The following ZNF608 variants were observed in gnomAD, a reference collection of about 807,000 sequenced individuals.
The protein encoded by ZNF608 is zinc finger protein 608.
Under a neutral mutation model 109.0 loss-of-function variants are expected in ZNF608, and 12 were observed. The ratio of observed to expected loss-of-function variants is 0.11; its 90% CI spans 0.07 to 0.18. The LOEUF (loss-of-function observed/expected upper bound fraction) is 0.18, where lower values mean the gene tolerates loss of function less well. ZNF608 is among the 10% of genes least tolerant of loss of function. ZNF608 has a pLI of 1.00. For synonymous variants in ZNF608, 732 were observed against 717.4 expected (o/e 1.02, Z -0.33); for missense variants, 1,707 against 1,879.3 (o/e 0.91, Z 1.70).
chr5:124,696,987 G>T (rs919493421), intron 3 of ZNF608, among the ~76,000 whole-genome samples: 1 of 151,950 alleles, frequency 6.6e-6, no homozygotes, highest in African/African-American at 2.4e-5. Flanking sequence ...AATGCCTGGG[G>T]TGGTGCCTGG....
chr5:124,743,780 G>GAACC (rs1749519785), intron 2 of ZNF608, among the ~76,000 whole-genome samples: 1 of 152,130 alleles, frequency 6.6e-6, no homozygotes, highest in Non-Finnish European at 1.5e-5. Flanking sequence ...GACTAGTGAG[G>GAACC]AACCGATCTA....
intron 5 of ZNF608, among the ~76,000 whole-genome samples, chr5:124,645,107 T>C (rs1323079501): frequency 3.9e-5 from 6 of 152,218 alleles, no homozygotes; most frequent in Admixed American, 3.9e-4. Context: ...AAGCTAATAA[T>C]AGTAAATTTA....
chr5:124,676,883 T>A (rs912182756), intron 3 of ZNF608, among the ~76,000 whole-genome samples: 2 of 152,104 alleles, frequency 1.3e-5, no homozygotes, highest in Non-Finnish European at 2.9e-5. Flanking sequence ...AGGTATATGA[T>A]AAAACATGGG....
At chr5:124,700,064 C>T (rs1752991478) in intron 3 of ZNF608, among the ~76,000 whole-genome samples, 1 of 152,160 alleles carries the variant, frequency 6.6e-6, no homozygotes, top group Admixed American at 6.5e-5. Flanking sequence ...TTATCTTTGA[C>T]CGATCTAACT....
At chr5:124,725,653 T>A (rs1754109910) in intron 2 of ZNF608, among the ~76,000 whole-genome samples, 1 of 152,092 alleles carries the variant, frequency 6.6e-6, no homozygotes, top group Non-Finnish European at 1.5e-5. Context: ...AACAATACCC[T>A]GCACAGTGAT....
At chr5:124,741,416 A>G (rs910012533) in intron 2 of ZNF608, among the ~76,000 whole-genome samples, 2 of 150,778 alleles carry the variant, frequency 1.3e-5, no homozygotes, top group Non-Finnish European at 3.0e-5. Flanking sequence ...AAAAAAAAAA[A>G]AAATGCACAC....
At chr5:124,662,828 C>T (rs967661820) in intron 3 of ZNF608, among the ~76,000 whole-genome samples, 2 of 152,098 alleles carry the variant, frequency 1.3e-5, no homozygotes, top group Non-Finnish European at 2.9e-5. Context: ...CACACACACA[C>T]AGACACACAC....
rs141930604 is a variant in ZNF608, at chr5:124,686,830, C to T, written c.1162+14184G>A. On this transcript the variant is annotated intron_variant, in intron 3 of 9. Coordinates refer to ENST00000513986, the MANE Select transcript of ZNF608 (RefSeq NM_020747.3). ...AAACTGTGCAAAGGTACAAGTAAGT[C>T]CTCGAAGAGCTGGCAGGATCAAAAC... 3.4e-3 allele frequency among the ~76,000 whole-genome samples: 515 copies of T among 152,286 alleles called. 3 individuals are homozygous for T. Among genetic ancestry groups the T allele is most frequent in the Middle Eastern group, 0.01 (3 of 294 alleles).
intron 3 of ZNF608, among the ~76,000 whole-genome samples, chr5:124,664,129 A>G (rs184631868): frequency 4.9e-4 from 74 of 152,356 alleles, no homozygotes; most frequent in Admixed American, 2.6e-3. Context: ...CTGTTCTTAT[A>G]TAATGAACTT....
intron 2 of ZNF608, among the ~76,000 whole-genome samples, chr5:124,730,374 T>C (rs552196379): frequency 6.6e-6 from 1 of 152,338 alleles, no homozygotes; most frequent in Non-Finnish European, 1.5e-5. Flanking sequence ...CAAGGGCAAG[T>C]GATTTCGTGT....
intron 3 of ZNF608, among the ~76,000 whole-genome samples, chr5:124,685,591 G>A (rs574714585): frequency 1.5e-4 from 22 of 150,622 alleles, no homozygotes; most frequent in East Asian, 9.9e-4. Flanking sequence ...CTGATCAGGC[G>A]TAGTCAGGGT....
At chr5:124,661,083 A>G (rs551936295) in intron 3 of ZNF608, among the ~76,000 whole-genome samples, 3 of 152,338 alleles carry the variant, frequency 2.0e-5, no homozygotes, top group Non-Finnish European at 4.4e-5. Flanking sequence ...TTCAAATGAT[A>G]TAAAATTTAT....
At chr5:124,682,156 T>C (rs1320228564) in intron 3 of ZNF608, among the ~76,000 whole-genome samples, 1 of 152,228 alleles carries the variant, frequency 6.6e-6, no homozygotes, top group African/African-American at 2.4e-5. Context: ...CACTGCAACC[T>C]CCGCCTCCCA....
chr5:124,650,957 G>A (rs997499574), intron 3 of ZNF608, among the ~76,000 whole-genome samples: 1 of 152,188 alleles, frequency 6.6e-6, no homozygotes, highest in Non-Finnish European at 1.5e-5. Context: ...ATATTTCAAT[G>A]GTTGGGACTC....
chr5:124,643,976 C>T (rs1047169152), intron 6 of ZNF608, among the ~76,000 whole-genome samples: 5 of 152,080 alleles, frequency 3.3e-5, no homozygotes, highest in African/African-American at 9.7e-5. Context: ...ACAGTAAGTG[C>T]TTAGAATATT....
In ZNF608 at chr5:124,647,861, G is replaced by A. The variant is rs774812696; in HGVS notation, c.2523C>T (p.Asp841=). The part of the protein sequence containing the change: ...KMDAKLGKLE[D]SKGASKDLPG... ...GTAAATCTTTGCTGGCCCCCTTGGA[G>A]TCCTCTAGTTTCCCCAGCTTGGCAT... Residue 841 remains aspartate, a synonymous_variant, in exon 5 of 10, where the codon GAC becomes GAT. Coordinates refer to ENST00000513986, the MANE Select transcript of ZNF608 (RefSeq NM_020747.3). 6.2e-7 allele frequency: 1 copy of A among 1,614,204 alleles called. No homozygotes were observed. Among genetic ancestry groups the A allele is most frequent in the South Asian group, 1.1e-5 (1 of 91,082 alleles).
chr5:124,667,719 CTT>C (rs1225952488), intron 3 of ZNF608, among the ~76,000 whole-genome samples: 1 of 152,152 alleles, frequency 6.6e-6, no homozygotes, highest in Non-Finnish European at 1.5e-5. Context: ...AATATTAACT[CTT>C]TTAATCCTCC....
At chr5:124,672,669 A>G (rs1400275473) in intron 3 of ZNF608, among the ~76,000 whole-genome samples, 1 of 152,320 alleles carries the variant, frequency 6.6e-6, no homozygotes, top group African/African-American at 2.4e-5. Context: ...CATAGTACCA[A>G]TAAAATAAAA....
chr5:124,707,033 C>T (rs1350427943), intron 2 of ZNF608, among the ~76,000 whole-genome samples: 3 of 152,138 alleles, frequency 2.0e-5, no homozygotes, highest in Non-Finnish European at 4.4e-5. Flanking sequence ...CAGGGAAACC[C>T]TGGCAATATT....
Sources: allele counts gnomAD v4.1 joint callset (sites outside exome capture counted in the v4.1 genomes callset), GRCh38; gene constraint gnomAD v4.1.1; transcripts MANE v1.5; gene names NCBI Gene and HGNC (gene_info 2026-07-23, HGNC 2026-07-21).